Variants in LMF1 observed in about 807,000 individuals in gnomAD.
LMF1 encodes the protein lipase maturation factor 1.
A neutral mutation model predicts 60.6 loss-of-function variants in LMF1; 68 were observed. The ratio of observed to expected loss-of-function variants is 1.12; its 90% CI spans 0.92 to 1.37. The LOEUF (loss-of-function observed/expected upper bound fraction) is 1.37. Among genes scored for constraint, LMF1 ranks in the 40% most tolerant of loss-of-function variants. LMF1 has a pLI of 0.00. For missense variants in LMF1, 948 were observed against 767.2 expected (o/e 1.24, Z -2.78); for synonymous variants, 418 against 324.7 (o/e 1.29, Z -3.09).
At chr16:866,265 G>C (rs924706221) in intron 10 of LMF1, among the ~76,000 whole-genome samples, 19 of 152,210 alleles carry the variant, frequency 1.2e-4, no homozygotes, top group Non-Finnish European at 1.5e-5. Flanking sequence ...TGCTGGTAGA[G>C]ACAGGGGTAT....
upstream of LMF1, among the ~76,000 whole-genome samples, chr16:973,881 G>A (rs1431369375): frequency 6.6e-6 from 1 of 151,980 alleles, no homozygotes; most frequent in African/African-American, 2.4e-5. Context: ...ATGGTGGCGG[G>A]CGCCTGTAGT....
chr16:916,044 C>G (rs1340064074), intron 3 of LMF1, among the ~76,000 whole-genome samples: 1 of 152,098 alleles, frequency 6.6e-6, no homozygotes, highest in East Asian at 1.9e-4. Context: ...TAGCCTCCGG[C>G]AAAGGGAGGG....
intron 10 of LMF1, 75 bp from the exon 11 acceptor site, chr16:854,781 G>A: frequency 7.4e-7 from 1 of 1,342,420 alleles, no homozygotes; most frequent in Non-Finnish European, 1.0e-6. Context: ...GCCTGCTGCT[G>A]AGCTGCAGCT....
intron 1 of LMF1, among the ~76,000 whole-genome samples, chr16:964,908 G>A (rs28398342): frequency 0.19 from 29,054 of 152,216 alleles, 2,992 homozygotes; most frequent in African/African-American, 0.25. Context: ...TGCCCCACGC[G>A]GAAAAGAAGG....
intron 1 of LMF1, among the ~76,000 whole-genome samples, chr16:978,134 C>T (rs1341548600): frequency 6.9e-6 from 1 of 144,796 alleles, no homozygotes; most frequent in African/African-American, 2.6e-5. Flanking sequence ...CACACCACAC[C>T]ACACACATAC....
At chr16:927,972 C>T (rs1032818452) in intron 3 of LMF1, among the ~76,000 whole-genome samples, 4 of 152,158 alleles carry the variant, frequency 2.6e-5, no homozygotes, top group Admixed American at 6.5e-5. Context: ...GGAAGTTTCC[C>T]GCTTGGCAAG....
chr16:900,559 G>C (rs2070780533), intron 4 of LMF1: 1 of 151,628 alleles, frequency 6.6e-6, no homozygotes, highest in South Asian at 2.1e-4. Flanking sequence ...GCCCAGGCTG[G>C]AGTGCAATGG....
At chr16:928,246 C>T (rs1338359175) in intron 3 of LMF1, among the ~76,000 whole-genome samples, 1 of 152,226 alleles carries the variant, frequency 6.6e-6, no homozygotes, top group Admixed American at 6.5e-5. Flanking sequence ...AGTCCAATCC[C>T]AGTGAGACCC....
In LMF1 at chr16:871,353, C is replaced by T. The variant is rs1322780268; in HGVS notation, c.898-12G>A. ...ACGATGAGGACGGCCTGTGGAGACG[C>T]CGCAGCTGAGTCTCGTGCAGGGGCT... On this transcript the variant is annotated splice_polypyrimidine_tract_variant and intron_variant, in intron 6 of 10. Coordinates refer to ENST00000262301, the MANE Select transcript of LMF1 (RefSeq NM_022773.4). 6 of 1,611,218 alleles carry T rather than the reference C, an allele frequency of 3.7e-6. No individual in the cohort carries two copies. In the South Asian group the frequency reaches 4.4e-5, roughly 12 times the overall value.
chr16:904,122 T>C (rs1221630999), intron 4 of LMF1: 11 of 83,450 alleles, frequency 1.3e-4, no homozygotes, highest in East Asian at 4.2e-4. Flanking sequence ...CTGCACTGCC[T>C]GTGGGGACGC....
chr16:904,341 C>T (rs2070912678), intron 4 of LMF1, among the ~76,000 whole-genome samples: 3 of 116,908 alleles, frequency 2.6e-5, no homozygotes, highest in African/African-American at 1.0e-4. Flanking sequence ...GTGGTGGTGA[C>T]CTCTGCATCG....
At chr16:891,798 C>A (rs1447462695) in intron 5 of LMF1, among the ~76,000 whole-genome samples, 1 of 152,218 alleles carries the variant, frequency 6.6e-6, no homozygotes, top group African/African-American at 2.4e-5. Flanking sequence ...CTGGCGTGGG[C>A]TGCGGTGTGC....
chr16:938,554 A>G (rs1273158450), intron 2 of LMF1, among the ~76,000 whole-genome samples: 3 of 152,228 alleles, frequency 2.0e-5, no homozygotes, highest in African/African-American at 7.2e-5. Context: ...TACAACAGAG[A>G]AAATAAAATG....
At chr16:926,275 T>G (rs2071598795) in intron 3 of LMF1, among the ~76,000 whole-genome samples, 1 of 152,108 alleles carries the variant, frequency 6.6e-6, no homozygotes, top group South Asian at 2.1e-4. Context: ...CATGCACCTG[T>G]TTGCATATGA....
intron 1 of LMF1, among the ~76,000 whole-genome samples, chr16:956,033 C>CCGAG: frequency 6.8e-6 from 1 of 147,218 alleles, no homozygotes; most frequent in African/African-American, 2.5e-5. Flanking sequence ...CCACAGGTCT[C>CCGAG]TGAGTTCACG....
chr16:954,445 A>C lies in LMF1; in HGVS notation c.415T>G (p.Phe139Val). Residue 139 changes from phenylalanine (F) to valine (V), a missense_variant, in exon 2 of 11, where the codon TTC becomes GTC. Phe to Val is a conservative substitution (Grantham distance 50, BLOSUM62 -1). Transcript: ENST00000262301. ...LALLGLGISS[F>V]VLITGCANML... The stretch of plus-strand genomic sequence containing the variant: ...TTGGCGCAGCCCGTGATCAGTACGA[A>C]AGACGAGATGCCCAGTCCGAGAAGA... 6.2e-7 allele frequency: 1 copy of C among 1,613,046 alleles called. No individual in the cohort carries two copies. Among genetic ancestry groups the C allele is most frequent in the Non-Finnish European group, 8.5e-7 (1 of 1,179,678 alleles).
Position 878,085 on chromosome 16 carries a change from C to G in LMF1, c.897+1485G>C, listed in dbSNP as rs889553144. 2.0e-5 allele frequency among the ~76,000 whole-genome samples: 3 copies of G among 151,590 alleles called. No homozygotes were observed. Among genetic ancestry groups the G allele is most frequent in the African/African-American group, 7.3e-5 (3 of 41,208 alleles). On this transcript the variant is annotated intron_variant, in intron 6 of 10. Transcript: ENST00000262301. The surrounding 1 kb of genome is among the most constrained non-coding windows in gnomAD (Gnocchi z 5.2). ...TGAAGCTATTCCAGGAGCCCCCAGA[C>G]GCGCGTGGGGTCCAGCCACATGGAA...
chr16:965,748 T>C (rs529371104), intron 1 of LMF1, among the ~76,000 whole-genome samples: 1 of 152,174 alleles, frequency 6.6e-6, no homozygotes, highest in South Asian at 2.1e-4. Flanking sequence ...TGTGGCAGTA[T>C]CTGTCCTGCT....
At chr16:922,148 C>A (rs1041048516) in intron 3 of LMF1, among the ~76,000 whole-genome samples, 1 of 152,152 alleles carries the variant, frequency 6.6e-6, no homozygotes, top group Non-Finnish European at 1.5e-5. Flanking sequence ...AGAAAACTTC[C>A]AGGCAGATCG....
Sources: allele counts gnomAD v4.1 joint callset (sites outside exome capture counted in the v4.1 genomes callset), GRCh38; gene constraint gnomAD v4.1.1; non-coding constraint Gnocchi (gnomAD v3.1); transcripts MANE v1.5; gene names NCBI Gene and HGNC (gene_info 2026-07-23, HGNC 2026-07-21).